The following SCN8A variants were observed in gnomAD, a reference collection of about 807,000 sequenced individuals.
SCN8A encodes sodium channel protein type 8 subunit alpha.
A neutral mutation model predicts 184.1 loss-of-function variants in SCN8A; 30 were observed. The ratio of observed to expected loss-of-function variants is 0.16; its 90% CI spans 0.12 to 0.22. SCN8A has a LOEUF of 0.22. Among genes scored for constraint, SCN8A ranks in the 10% least tolerant of loss-of-function variants. The pLI is 1.00. For synonymous variants in SCN8A, 852 were observed against 907.0 expected, an observed-to-expected ratio of 0.94 and a Z score of 1.09; for missense variants, 1,057 against 2,498.9, an observed-to-expected ratio of 0.42 and a Z score of 12.30.
At chr12:51,700,170 C>CA (rs5798182) in intron 7 of SCN8A, among the ~76,000 whole-genome samples, 570 of 33,298 alleles carry the variant, frequency 0.017, 2 homozygotes, top group African/African-American at 0.038. Context: ...AACTCCATCT[C>CA]AAAAAAAAAA....
chr12:51,670,711 T>C (rs1941115279), intron 2 of SCN8A, among the ~76,000 whole-genome samples: 1 of 152,084 alleles, frequency 6.6e-6, no homozygotes, highest in Admixed American at 6.6e-5. Context: ...AGATCAGCTA[T>C]GAAATAATGA....
intron 1 of SCN8A, among the ~76,000 whole-genome samples, chr12:51,628,213 G>A (rs1452955370): frequency 6.6e-6 from 1 of 152,206 alleles, no homozygotes; most frequent in Non-Finnish European, 1.5e-5. Context: ...TGGAATGACA[G>A]TAAAGGTCAA....
At chr12:51,679,123 G>A (rs946410909) in intron 2 of SCN8A, among the ~76,000 whole-genome samples, 4 of 151,924 alleles carry the variant, frequency 2.6e-5, no homozygotes, top group African/African-American at 9.7e-5. Context: ...CACCCCAGGT[G>A]CAGTGGCTCA....
chr12:51,608,175 C>G (rs768238086), intron 1 of SCN8A, among the ~76,000 whole-genome samples: 2 of 151,994 alleles, frequency 1.3e-5, no homozygotes, highest in Non-Finnish European at 2.9e-5. Flanking sequence ...CGCCCACCAC[C>G]GTGCCCGGCT....
rs116730612 is a variant in SCN8A, at chr12:51,787,490, A to T, written c.4227+664A>T. Reference sequence around the variant, plus strand: ...ATTAGACTGTTATAGATTTGAACATACTCTGATACTTACTGGATATGTAAC... The same window carrying T: ...ATTAGACTGTTATAGATTTGAACATTCTCTGATACTTACTGGATATGTAAC... On this transcript the variant is annotated intron_variant, in intron 22 of 26. Transcript: ENST00000627620. 5.4e-3 allele frequency among the ~76,000 whole-genome samples: 822 copies of T among 152,268 alleles called. 6 individuals carry two copies. Among genetic ancestry groups the T allele is most frequent in the African/African-American group, 0.019 (785 of 41,532 alleles).
At position 51,773,224 on chromosome 12, in the gene SCN8A, C is replaced by G. The variant is rs542619868; in HGVS notation, c.3646-965C>G. The stretch of plus-strand genomic sequence containing the variant: ...TCTATTCTTCTGGAGCTGTTCAGAG[C>G]AAGCACTTCCCATTGTATCACAGAG... On this transcript the variant is annotated intron_variant, in intron 19 of 26. Transcript: ENST00000627620. 9.2e-5 allele frequency among the ~76,000 whole-genome samples: 14 copies of G among 152,276 alleles called. No homozygotes were observed. The East Asian group carries it at 2.7e-3, about 29-fold the overall frequency.
At chr12:51,678,789 C>T (rs1274415146) in intron 2 of SCN8A, among the ~76,000 whole-genome samples, 2 of 152,134 alleles carry the variant, frequency 1.3e-5, no homozygotes, top group African/African-American at 4.8e-5. Context: ...AAAAGCTACT[C>T]AGCCTAGGCT....
At chr12:51,594,575 A>G (rs1349947653) in intron 1 of SCN8A, among the ~76,000 whole-genome samples, 1 of 152,238 alleles carries the variant, frequency 6.6e-6, no homozygotes, top group Non-Finnish European at 1.5e-5. Flanking sequence ...ATTATGTCTA[A>G]GGACACTAAA....
chr12:51,679,410 G>A (rs1163399136), intron 2 of SCN8A, among the ~76,000 whole-genome samples: 1 of 152,186 alleles, frequency 6.6e-6, no homozygotes, highest in East Asian at 1.9e-4. Flanking sequence ...TTCTTAAATG[G>A]TTGGATGTGT....
At chr12:51,753,020 AG>A (rs1942619826) in intron 14 of SCN8A, among the ~76,000 whole-genome samples, 1 of 152,172 alleles carries the variant, frequency 6.6e-6, no homozygotes, top group African/African-American at 2.4e-5. Flanking sequence ...TATCCCCACT[AG>A]AACTCCAGTC....
chr12:51,712,121 C>T (rs138816674), intron 11 of SCN8A, among the ~76,000 whole-genome samples: 1 of 152,142 alleles, frequency 6.6e-6, no homozygotes, highest in East Asian at 1.9e-4. Flanking sequence ...GGTACCACTA[C>T]CACAATTTAC....
rs961861711 is a variant in SCN8A, at chr12:51,755,563, G to A, written c.2370+3970G>A. Among the ~76,000 whole-genome samples the A allele has an allele frequency of 3.1e-4, 47 of 152,010 alleles. 1 individual carries two copies. Among genetic ancestry groups the A allele is most frequent in the East Asian group, 1.9e-4 (1 of 5,176 alleles). The stretch of plus-strand genomic sequence containing the variant: ...GAGTATCAGCTGAGGCAGGAGGATC[G>A]CTTAAAGTTTGAGACCAGCCTTAGC... On this transcript the variant is annotated intron_variant, in intron 14 of 26. Coordinates refer to ENST00000627620, the MANE Select transcript of SCN8A (RefSeq NM_001330260.2).
chr12:51,645,610 A>G (rs538307693), intron 1 of SCN8A, among the ~76,000 whole-genome samples: 3 of 152,246 alleles, frequency 2.0e-5, no homozygotes, highest in East Asian at 3.9e-4. Context: ...GTTCTGTACT[A>G]AGAAAAATTC....
intron 12 of SCN8A, among the ~76,000 whole-genome samples, chr12:51,740,570 A>G (rs892167237): frequency 7.2e-5 from 11 of 152,224 alleles, no homozygotes; most frequent in Admixed American, 5.2e-4. Context: ...GACCTAACAT[A>G]TGGTCTGTCC....
At position 51,606,991 on chromosome 12, in the gene SCN8A, G is replaced by A. The variant is rs372268182; in HGVS notation, c.-55+15632G>A. ...CAGCTCACTGCAACCTCTGCCTCCCGGGCTCAAGCAATTCTCCTGCCTCAG... is the reference window on the plus strand; with the variant it reads ...CAGCTCACTGCAACCTCTGCCTCCCAGGCTCAAGCAATTCTCCTGCCTCAG... On this transcript the variant is annotated intron_variant, in intron 1 of 26. Coordinates refer to ENST00000627620, the MANE Select transcript of SCN8A (RefSeq NM_001330260.2). Among the ~76,000 whole-genome samples the A allele has an allele frequency of 3.8e-4, 57 of 151,554 alleles. 4 individuals are homozygous for A. The highest frequency in any genetic ancestry group is 1.3e-3 in the African/African-American group (54 of 41,272).
In SCN8A at chr12:51,807,603, C is replaced by T. The variant is rs1938748442; in HGVS notation, c.*174C>T. The T allele has an allele frequency of 1.4e-6, 1 of 719,470 alleles. No homozygotes were observed. The highest frequency in any genetic ancestry group is 2.6e-5 in the Admixed American group (1 of 38,160). The allele number at this position is 719,470 out of a possible 1,614,324, so 44.6% of individuals were successfully genotyped here. ...AGCTGCATCTTGAGCAGTGACCTGC[C>T]AAGGGCAAAGGACCCCGCTCCCTAG... On this transcript the variant is annotated 3_prime_UTR_variant, in exon 27 of 27. Coordinates refer to ENST00000627620, the MANE Select transcript of SCN8A (RefSeq NM_001330260.2). This position sits in a 1 kb window ranked among gnomAD's most constrained non-coding sequence, Gnocchi z 4.5.
At position 51,751,613 on chromosome 12, in the gene SCN8A, C is replaced by A. The variant is rs1411023079; in HGVS notation, c.2370+20C>A. The A allele has an allele frequency of 6.5e-7, 1 of 1,542,916 alleles. No homozygotes were observed. Among genetic ancestry groups the A allele is most frequent in the Admixed American group, 1.7e-5 (1 of 59,666 alleles). On this transcript the variant is annotated intron_variant, in intron 14 of 26. Transcript: ENST00000627620. ...AATCTGGTAAGATGGAACACTGTCT[C>A]CCGATATTAGGATTGGAATGTGTTT...
At chr12:51,652,668 A>G (rs769877617) in intron 1 of SCN8A, among the ~76,000 whole-genome samples, 1 of 152,154 alleles carries the variant, frequency 6.6e-6, no homozygotes, top group Non-Finnish European at 1.5e-5. Context: ...TTCTTCCTGC[A>G]AAGCTCTACC....
intron 15 of SCN8A, among the ~76,000 whole-genome samples, chr12:51,763,703 C>T (rs1992294): frequency 0.067 from 10,141 of 152,198 alleles, 355 homozygotes; most frequent in South Asian, 0.15. Flanking sequence ...TAAACATAAG[C>T]GTAAGTGATA....
Sources: gnomAD v4.1 joint callset for allele counts (sites outside exome capture counted in the v4.1 genomes callset) on GRCh38, gnomAD v4.1.1 for gene constraint, Gnocchi (gnomAD v3.1) non-coding constraint, MANE v1.5 for transcripts, NCBI Gene and HGNC (gene_info 2026-07-23, HGNC 2026-07-21) for gene names.